KCNG4: variants seen among roughly 807,000 people sequenced by gnomAD.
KCNG4 encodes the protein voltage-gated potassium channel regulatory subunit KCNG4.
A neutral mutation model predicts 28.2 loss-of-function variants in KCNG4; 30 were observed. The observed-to-expected ratio is 1.06, with a 90% CI of 0.80 to 1.44. KCNG4 has a LOEUF of 1.44. KCNG4 is among the 40% of genes most tolerant of loss of function. The pLI is 0.00. For synonymous variants in KCNG4, 375 were observed against 315.5 expected (o/e 1.19, Z -2.00); for missense variants, 879 against 712.3 (o/e 1.23, Z -2.66).
rs1184822435 is a variant in KCNG4 at position 84,222,386 on chromosome 16, A to G, written c.1391T>C (p.Leu464Pro). Reference sequence around the variant, plus strand: ...CTGAAGCTGCTCCTGCTCCTTCTTGAGCTCCAGGTAGGAGTGGGAGAAGGT... The same window carrying G: ...CTGAAGCTGCTCCTGCTCCTTCTTGGGCTCCAGGTAGGAGTGGGAGAAGGT... ...FHTFSHSYLE[L>P]KKEQEQLQAR... Residue 464 changes from leucine to proline, a missense_variant, in exon 3 of 3, where the codon CTC becomes CCC. By Grantham distance (98) the Leu-to-Pro change is moderately conservative (BLOSUM62 -3). Coordinates refer to ENST00000308251, the MANE Select transcript of KCNG4 (RefSeq NM_172347.3). The G allele has an allele frequency of 1.2e-6, 2 of 1,614,076 alleles. No homozygotes were observed. The highest frequency in any genetic ancestry group is 4.5e-5 in the East Asian group (2 of 44,876).
intron 2 of KCNG4, chr16:84,236,503 G>A: frequency 1.7e-6 from 1 of 593,328 alleles, no homozygotes; most frequent in Non-Finnish European, 2.8e-6. Flanking sequence ...GATTTTCACG[G>A]TGAGCCTTAG....
At chr16:84,232,965 T>C (rs528945168) in intron 2 of KCNG4, among the ~76,000 whole-genome samples, 1 of 151,838 alleles carries the variant, frequency 6.6e-6, no homozygotes, top group African/African-American at 2.4e-5. Context: ...CAGAAATTTG[T>C]CTTCTCTCCA....
chr16:84,233,065 C>CTGAA (rs149420585), intron 2 of KCNG4, among the ~76,000 whole-genome samples: 11,473 of 151,802 alleles, frequency 0.076, 485 homozygotes, highest in Non-Finnish European at 0.1. Flanking sequence ...TTAACTACTA[C>CTGAA]TGAATGAATG....
chr16:84,238,790 C>T (rs958017066), intron 1 of KCNG4, among the ~76,000 whole-genome samples: 5 of 152,134 alleles, frequency 3.3e-5, no homozygotes, highest in African/African-American at 1.2e-4. Context: ...ATCGCTTGAA[C>T]CCGGGAGGCG....
chr16:84,228,817 G>A (rs1184138081), intron 2 of KCNG4, among the ~76,000 whole-genome samples: 5 of 152,256 alleles, frequency 3.3e-5, no homozygotes, highest in Non-Finnish European at 7.3e-5. Context: ...GAGACCCGCT[G>A]AGGGATGCTG....
intron 2 of KCNG4, among the ~76,000 whole-genome samples, chr16:84,235,172 T>G (rs1904918027): frequency 1.3e-5 from 2 of 152,164 alleles, no homozygotes; most frequent in African/African-American, 2.4e-5. Context: ...CCCTGCGTAA[T>G]TTTCAAAGCA....
intron 2 of KCNG4, 116 bp downstream of exon 2, chr16:84,236,614 A>G: frequency 3.8e-6 from 4 of 1,062,708 alleles, no homozygotes; most frequent in South Asian, 3.4e-5. Context: ...GTTGGATAAT[A>G]TTCATTTTTT....
chr16:84,233,193 C>T (rs1026173017), intron 2 of KCNG4, among the ~76,000 whole-genome samples: 2 of 152,154 alleles, frequency 1.3e-5, no homozygotes, highest in Admixed American at 6.5e-5. Flanking sequence ...TTAGAGCACC[C>T]CCATTTCATA....
chr16:84,237,724 C>T (rs1905010155), intron 1 of KCNG4, among the ~76,000 whole-genome samples, 199 bp from the exon 2 acceptor site: 1 of 152,150 alleles, frequency 6.6e-6, no homozygotes, highest in Non-Finnish European at 1.5e-5. Flanking sequence ...GTGAAAAAAA[C>T]CCTTCCCTGG....
chr16:84,237,792 G>C (rs1038300992), intron 1 of KCNG4, among the ~76,000 whole-genome samples: 3 of 152,152 alleles, frequency 2.0e-5, no homozygotes, highest in Admixed American at 2.0e-4. Context: ...GCACGGATGG[G>C]GGCTTGAGTA....
chr16:84,225,903 T>TC (rs1904685435), intron 2 of KCNG4, among the ~76,000 whole-genome samples: 2 of 152,184 alleles, frequency 1.3e-5, no homozygotes, highest in Non-Finnish European at 2.9e-5. Context: ...TCAGAAATGC[T>TC]GGCATTGGGG....
chr16:84,237,296 T>G lies in KCNG4; in HGVS notation c.190A>C (p.Asn64His). ...AGGAGATACCTCCTGCCCCCCACGT[T>G]GATCAGGATCTCCTTCTTCAGGTCC... is the stretch of plus-strand genomic sequence containing the variant. ...PVDLKKEILI[N>H]VGGRRYLLPW... The change falls in exon 2 of 3, where the codon AAC (asparagine) becomes CAC (histidine). Residue 64 changes from asparagine to histidine, a missense_variant. Physicochemically the swap from Asn to His is moderately conservative, Grantham distance 68. Coordinates refer to ENST00000308251, the MANE Select transcript of KCNG4 (RefSeq NM_172347.3). 1 of 1,601,992 alleles carries G rather than the reference T, an allele frequency of 6.2e-7. No homozygotes were observed. Among genetic ancestry groups the G allele is most frequent in the Non-Finnish European group, 8.5e-7 (1 of 1,172,950 alleles).
Position 84,236,765 on chromosome 16 carries a change from T to C in KCNG4, c.721A>G (p.Ser241Gly), listed in dbSNP as rs771081195. Residue 241 changes from serine (S) to glycine (G), a missense_variant, in exon 2 of 3, where the codon AGC becomes GGC. Ser to Gly is a moderately conservative substitution (Grantham distance 56). Coordinates refer to ENST00000308251, the MANE Select transcript of KCNG4 (RefSeq NM_172347.3). ...TCTGCCCTGAGGTCGGGCATGGTGCTGACACACAGGCTGACGGCTGTGGTG... is the reference window on the plus strand; with the variant it reads ...TCTGCCCTGAGGTCGGGCATGGTGCCGACACACAGGCTGACGGCTGTGGTG... Reference protein sequence around the residue: ...VATTAVSLCVSTMPDLRAEED... With the variant: ...VATTAVSLCVGTMPDLRAEED... The C allele has an allele frequency of 5.6e-6, 9 of 1,613,700 alleles. No individual in the cohort carries two copies. The East Asian group carries it at 1.3e-4, about 24-fold the overall frequency.
At chr16:84,231,791 G>T (rs1313581569) in intron 2 of KCNG4, among the ~76,000 whole-genome samples, 1 of 152,036 alleles carries the variant, frequency 6.6e-6, no homozygotes, top group African/African-American at 2.4e-5. Context: ...ATCACCTGAG[G>T]TCAGGAGTTC....
chr16:84,227,581 AAAAAC>A (rs947153202), intron 2 of KCNG4, among the ~76,000 whole-genome samples: 3 of 152,202 alleles, frequency 2.0e-5, no homozygotes, highest in Admixed American at 6.5e-5. Context: ...TGTCTCAGAA[AAAAAC>A]AAAACAAAAC....
chr16:84,236,467 C>T, intron 2 of KCNG4: 1 of 530,824 alleles, frequency 1.9e-6, no homozygotes, highest in Non-Finnish European at 3.3e-6. Context: ...CCCACTGAGT[C>T]CACGCATGGC....
At chr16:84,236,551 AAG>A in intron 2 of KCNG4, 177 bp downstream of exon 2, 2 of 875,820 alleles carry the variant, frequency 2.3e-6, no homozygotes, top group Non-Finnish European at 3.3e-6. Flanking sequence ...AAAAAAAAAA[AAG>A]ATGGAAAATT....
rs761368393 is a variant in KCNG4 at position 84,236,836 on chromosome 16, C to G, written c.650G>C (p.Gly217Ala). The change falls in exon 2 of 3, where the codon GGG (glycine) becomes GCG (alanine). Residue 217 changes from glycine (G) to alanine (A), a missense_variant. By Grantham distance (60) the Gly-to-Ala change is moderately conservative. Coordinates refer to ENST00000308251, the MANE Select transcript of KCNG4 (RefSeq NM_172347.3). Reference sequence around the variant, plus strand: ...GCAAGCGAAGACCTTCCCGGGCAGCCCGGACTGCGGGTTTTCCACCATCTC... The same window carrying G: ...GCAAGCGAAGACCTTCCCGGGCAGCGCGGACTGCGGGTTTTCCACCATCTC... ...LREMVENPQS[G>A]LPGKVFACLS... 2 of 1,613,666 alleles carry G rather than the reference C, an allele frequency of 1.2e-6. No homozygotes were observed. Among genetic ancestry groups the G allele is most frequent in the Non-Finnish European group, 8.5e-7 (1 of 1,180,036 alleles).
In KCNG4 at chr16:84,222,976, G is replaced by A. The variant is rs554210159; in HGVS notation, c.801C>T (p.Thr267=). 5 of 1,550,040 alleles carry A rather than the reference G, an allele frequency of 3.2e-6. No homozygotes were observed. In the South Asian group the frequency reaches 3.7e-5, roughly 11 times the overall value. Residue 267 remains threonine, a synonymous_variant, in exon 3 of 3, where the codon ACC becomes ACT. Transcript: ENST00000308251. ...RKCYYIFIVE[T]ICVAWFSLEF... is the part of the protein sequence containing the mutation. ...CCAGGGAGAACCAGGCCACGCAGAT[G>A]GTCTCCACGATGAAAATATAGTAGC...
Sources: allele counts gnomAD v4.1 joint callset (sites outside exome capture counted in the v4.1 genomes callset), GRCh38; gene constraint gnomAD v4.1.1; transcripts MANE v1.5; gene names NCBI Gene and HGNC (gene_info 2026-07-23, HGNC 2026-07-21).